QRICH2: variants seen among roughly 807,000 people sequenced by gnomAD.
QRICH2 encodes the protein glutamine-rich protein 2.
QRICH2 carries 119 observed loss-of-function variants against 168.3 expected under a neutral mutation model. That is an observed-to-expected ratio of 0.71 (90% CI 0.61 to 0.82). The LOEUF (loss-of-function observed/expected upper bound fraction) is 0.82. Ranked by LOEUF, QRICH2 falls within the 40% of genes least tolerant of loss-of-function variation. The probability of loss-of-function intolerance (pLI) is 0.00; values close to 1 mark genes in which losing one functional copy is unlikely to be tolerated. For synonymous variants in QRICH2, 894 were observed against 951.2 expected (o/e 0.94, Z 1.11); for missense variants, 2,241 against 2,491.6 (o/e 0.90, Z 2.14).
intron 3 of QRICH2, among the ~76,000 whole-genome samples, chr17:76,300,394 C>T (rs577904922): frequency 6.6e-6 from 1 of 152,212 alleles, no homozygotes; most frequent in East Asian, 1.9e-4. Flanking sequence ...GCCACTTCAG[C>T]CCTCGCACAG....
chr17:76,297,471 C>T (rs1403942919), intron 3 of QRICH2, among the ~76,000 whole-genome samples: 1 of 151,896 alleles, frequency 6.6e-6, no homozygotes, highest in Admixed American at 6.6e-5. Flanking sequence ...TGTGCCACTG[C>T]ACTCCGGCCT....
chr17:76,284,578 G>A (rs1253865535), intron 7 of QRICH2, among the ~76,000 whole-genome samples: 1 of 151,688 alleles, frequency 6.6e-6, no homozygotes, highest in East Asian at 1.9e-4. Flanking sequence ...CAGCACTTTG[G>A]GAGACCGAGG....
intron 3 of QRICH2, among the ~76,000 whole-genome samples, chr17:76,297,801 C>A (rs66540896): frequency 0.3 from 44,648 of 150,894 alleles, 7,692 homozygotes; most frequent in East Asian, 0.58. Flanking sequence ...TCACTGCAAC[C>A]TTTAACTCCT....
In QRICH2 at chr17:76,281,034, G is replaced by GTT; in HGVS notation, c.4264-82_4264-81insAA. On this transcript the variant is annotated intron_variant, in intron 8 of 18. Coordinates refer to ENST00000680821, the MANE Select transcript of QRICH2 (RefSeq NM_001388453.1). This position sits in a 1 kb window ranked among gnomAD's most constrained non-coding sequence, Gnocchi z 4.4. ...TGCTGCCATAATATTGCTGCCCCAG[G>GTT]TAAGTTGGCCCTTAAAACATCTGCA... The GTT allele has an allele frequency of 1.3e-6, 2 of 1,539,220 alleles. No homozygotes were observed. Among genetic ancestry groups the GTT allele is most frequent in the African/African-American group, 1.4e-5 (1 of 73,436 alleles).
intron 5 of QRICH2, among the ~76,000 whole-genome samples, chr17:76,289,664 A>C (rs115273967): frequency 2.0e-5 from 3 of 148,116 alleles, no homozygotes; most frequent in Non-Finnish European, 1.5e-5. Flanking sequence ...GGGGCTGGGC[A>C]CGGTGGCTCA....
intron 3 of QRICH2, among the ~76,000 whole-genome samples, chr17:76,302,844 C>T (rs182740365): frequency 2.1e-4 from 32 of 152,156 alleles, no homozygotes; most frequent in Admixed American, 1.6e-3. Flanking sequence ...CCTCCCGAGG[C>T]ACTGCATGAC....
chr17:76,274,067 T>C lies in QRICH2; in HGVS notation c.*12A>G. 6.6e-7 allele frequency: 1 copy of C among 1,514,870 alleles called. No individual in the cohort carries two copies. Among genetic ancestry groups the C allele is most frequent in the Non-Finnish European group, 8.8e-7 (1 of 1,138,320 alleles). 93.8% of individuals were successfully genotyped at this position (1,514,870 alleles called of 1,614,324 possible). On this transcript the variant is annotated 3_prime_UTR_variant, in exon 19 of 19. Transcript: ENST00000680821. Reference sequence around the variant, plus strand: ...CCTAAGCTTCCTCCTGAATGTTTATTTACACCTCCGCTCACTGAGCGGTGC... The same window carrying C: ...CCTAAGCTTCCTCCTGAATGTTTATCTACACCTCCGCTCACTGAGCGGTGC...
At chr17:76,298,157 C>G (rs1338688267) in intron 3 of QRICH2, among the ~76,000 whole-genome samples, 2 of 149,602 alleles carry the variant, frequency 1.3e-5, no homozygotes, top group Non-Finnish European at 3.0e-5. Context: ...CAGGCATGAG[C>G]CACGCTGCCT....
intron 1 of QRICH2, among the ~76,000 whole-genome samples, chr17:76,306,054 T>C (rs1450461491): frequency 1.3e-5 from 2 of 148,174 alleles, no homozygotes; most frequent in Non-Finnish European, 3.0e-5. Context: ...CCTATAATCC[T>C]AGCTACTCGG....
rs2049320459 is a variant in QRICH2 at position 76,281,626 on chromosome 17, C to G, written c.4263+238G>C. 6.6e-6 allele frequency among the ~76,000 whole-genome samples: 1 copy of G among 152,240 alleles called. No individual in the cohort carries two copies. The highest frequency in any genetic ancestry group is 2.4e-5 in the African/African-American group (1 of 41,468). ...CTCAGCCGGCCTGTGCTGTCCCACC[C>G]CATCAAGCCAGCTCTTCCCCATGGT... On this transcript the variant is annotated intron_variant, in intron 8 of 18. Coordinates refer to ENST00000680821, the MANE Select transcript of QRICH2 (RefSeq NM_001388453.1). This position sits in a 1 kb window ranked among gnomAD's most constrained non-coding sequence, Gnocchi z 4.4.
intron 12 of QRICH2, 30 bp from the exon 13 acceptor site, chr17:76,279,458 G>T: frequency 1.3e-6 from 2 of 1,578,358 alleles, no homozygotes; most frequent in South Asian, 1.1e-5. Context: ...CACGCAGGGT[G>T]AGTGCTCTGC....
rs1568104452 is a variant in QRICH2 at position 76,278,016 on chromosome 17, TGGG to T, written c.5087_5089del (p.Ala1696_Gln1697delinsGlu). 1.2e-6 allele frequency: 2 copies of T among 1,612,982 alleles called. No homozygotes were observed. The highest frequency in any genetic ancestry group is 2.7e-5 in the African/African-American group (2 of 74,944). ...TTTGTAGCAGGGGGAGCCCAGGCAC[TGGG>T]CGTGCAGCAGCTCGCGGATTATCTG... On this transcript the variant is annotated inframe_deletion, in exon 15 of 19. Transcript: ENST00000680821.
rs548966130 is a variant in QRICH2 at position 76,287,388 on chromosome 17, G to T, written c.3897-82C>A. The T allele has an allele frequency of 4.1e-6, 4 of 964,624 alleles. No individual in the cohort carries two copies. The East Asian group carries it at 7.6e-5, about 18-fold the overall frequency. 59.8% of individuals were successfully genotyped at this position (964,624 alleles called of 1,614,324 possible). ...GCCTGGGCCATCAGGGACGCAGGGG[G>T]ATGCAGACACAGCTGGAGGTCTCTC... is the stretch of plus-strand genomic sequence containing the variant. On this transcript the variant is annotated intron_variant, in intron 6 of 18. Coordinates refer to ENST00000680821, the MANE Select transcript of QRICH2 (RefSeq NM_001388453.1).
At position 76,278,151 on chromosome 17, in the gene QRICH2, G is replaced by A. The variant is rs76267026; in HGVS notation, c.4955C>T (p.Ala1652Val). The A allele has an allele frequency of 2.9e-4, 471 of 1,611,072 alleles. 2 individuals are homozygous for A. The East Asian group carries it at 6.8e-3, about 23-fold the overall frequency. Reference sequence around the variant, plus strand: ...GCGCCCCACGCTCTGCTCCATCTGCGCCAGGTCACCCCGAGGGAAGGCGCT... The same window carrying A: ...GCGCCCCACGCTCTGCTCCATCTGCACCAGGTCACCCCGAGGGAAGGCGCT... Reference protein sequence around the residue: ...LGSAFPRGDLAQMEQSVGRLR... With the variant: ...LGSAFPRGDLVQMEQSVGRLR... The change falls in exon 15 of 19, where the codon GCG becomes GTG. Residue 1652 changes from alanine to valine, a missense_variant. Coordinates refer to ENST00000680821, the MANE Select transcript of QRICH2 (RefSeq NM_001388453.1).
chr17:76,290,159 TG>T, intron 4 of QRICH2, 82 bp from the exon 5 acceptor site: 1 of 991,346 alleles, frequency 1.0e-6, no homozygotes, highest in Non-Finnish European at 1.6e-6. Flanking sequence ...CCTGTAACAC[TG>T]AAGCTACCCT....
rs566002445 is a variant in QRICH2, at chr17:76,279,765, A to G, written c.4748+268T>C. Among the ~76,000 whole-genome samples the G allele has an allele frequency of 8.6e-5, 13 of 151,824 alleles. No homozygotes were observed. The East Asian group carries it at 2.5e-3, about 29-fold the overall frequency. ...GCTGTCTCAGCTCTGGGTACTGAGGACCTCTCCCTGTCCCAAAGGCCCAGC... is the reference window on the plus strand; with the variant it reads ...GCTGTCTCAGCTCTGGGTACTGAGGGCCTCTCCCTGTCCCAAAGGCCCAGC... On this transcript the variant is annotated intron_variant, in intron 12 of 18. Transcript: ENST00000680821.
In QRICH2 at chr17:76,280,056, T is replaced by C; in HGVS notation, c.4725A>G (p.Ala1575=). 6.2e-7 allele frequency: 1 copy of C among 1,613,020 alleles called. No individual in the cohort carries two copies. The highest frequency in any genetic ancestry group is 8.5e-7 in the Non-Finnish European group (1 of 1,179,670). Reference sequence around the variant, plus strand: ...ACCTCCGCATGGCAGCCGCCTCGTCTGCCTGGTAGAGTGGGGGGCGCTCCC... The same window carrying C: ...ACCTCCGCATGGCAGCCGCCTCGTCCGCCTGGTAGAGTGGGGGGCGCTCCC... ...QLRERPPLYQ[A]DEAAAMRRQL... Residue 1575 remains alanine (A), a synonymous_variant, in exon 12 of 19, where the codon GCA becomes GCG. Coordinates refer to ENST00000680821, the MANE Select transcript of QRICH2 (RefSeq NM_001388453.1). This position sits in a 1 kb window ranked among gnomAD's most constrained non-coding sequence, Gnocchi z 7.4.
At chr17:76,279,259 G>T in intron 13 of QRICH2, 104 bp downstream of exon 13, 1 of 1,341,642 alleles carries the variant, frequency 7.5e-7, no homozygotes, top group Non-Finnish European at 1.0e-6. Flanking sequence ...GCGAGGGCTG[G>T]AAGCAGACAC....
At position 76,293,797 on chromosome 17, in the gene QRICH2, A is replaced by G; in HGVS notation, c.930T>C (p.Thr310=). 6.2e-7 allele frequency: 1 copy of G among 1,614,094 alleles called. No individual in the cohort carries two copies. Among genetic ancestry groups the G allele is most frequent in the Non-Finnish European group, 8.5e-7 (1 of 1,179,986 alleles). ...GGGCCCTCGGCTGCTGCTGTCTCCC[A>G]GTACCAGAGGGGACCTTGCTTTGTT... ...SREQSKVPSG[T]GRQQQPRARD... The change falls in exon 4 of 19, where the codon ACT becomes ACC. Residue 310 remains threonine, a synonymous_variant. Transcript: ENST00000680821.
Sources: gnomAD v4.1 joint callset for allele counts (sites outside exome capture counted in the v4.1 genomes callset) on GRCh38, gnomAD v4.1.1 for gene constraint, Gnocchi (gnomAD v3.1) non-coding constraint, MANE v1.5 for transcripts, NCBI Gene and HGNC (gene_info 2026-07-23, HGNC 2026-07-21) for gene names.